The following CADM2 variants were observed in gnomAD, a reference collection of about 807,000 sequenced individuals.
CADM2 encodes the protein cell adhesion molecule 2.
CADM2 carries 12 observed loss-of-function variants against 49.8 expected under a neutral mutation model. The ratio of observed to expected loss-of-function variants is 0.24; its 90% CI spans 0.15 to 0.39. The LOEUF (loss-of-function observed/expected upper bound fraction) is 0.39. CADM2 is among the 10% of genes least tolerant of loss of function. The probability of loss-of-function intolerance (pLI) is 1.00; values close to 1 mark genes in which losing one functional copy is unlikely to be tolerated. For synonymous variants in CADM2, 214 were observed against 175.4 expected, an observed-to-expected ratio of 1.22 and a Z score of -1.74; for missense variants, 378 against 492.3, an observed-to-expected ratio of 0.77 and a Z score of 2.20.
At chr3:85,642,971 G>A (rs1168472967) in intron 1 of CADM2, among the ~76,000 whole-genome samples, 2 of 152,090 alleles carry the variant, frequency 1.3e-5, no homozygotes, top group East Asian at 1.9e-4. Flanking sequence ...TTAAATGACT[G>A]TGACATTATT....
Position 85,991,534 on chromosome 3 carries a change from C to T in CADM2, c.970+29887C>T, listed in dbSNP as rs575079041. ...ATCTACCTTGCCAAATATTAACACA[C>T]CCATTGCAATAATAAGTTAAGGTAA... is the stretch of plus-strand genomic sequence containing the variant. On this transcript the variant is annotated intron_variant, in intron 8 of 9. Transcript: ENST00000383699. Among the ~76,000 whole-genome samples the T allele has an allele frequency of 2.6e-5, 4 of 152,170 alleles. No homozygotes were observed. The South Asian group carries it at 8.3e-4, about 32-fold the overall frequency.
At chr3:85,370,327 C>T (rs1265486369) in intron 1 of CADM2, among the ~76,000 whole-genome samples, 1 of 151,388 alleles carries the variant, frequency 6.6e-6, no homozygotes, top group Non-Finnish European at 1.5e-5. Flanking sequence ...AAGGCTGAGG[C>T]AGGAGAATTG....
At chr3:85,432,162 G>A (rs1424771828) in intron 1 of CADM2, among the ~76,000 whole-genome samples, 1 of 151,800 alleles carries the variant, frequency 6.6e-6, no homozygotes, top group African/African-American at 2.4e-5. Context: ...AAAGGAGTGA[G>A]AGATCTAGAA....
chr3:85,937,300 C>A (rs377619462), intron 7 of CADM2, among the ~76,000 whole-genome samples: 1 of 151,840 alleles, frequency 6.6e-6, no homozygotes, highest in East Asian at 1.9e-4. Context: ...ACAATAATTT[C>A]TTATTTATTT....
chr3:85,642,696 T>A (rs2107556859), intron 1 of CADM2, among the ~76,000 whole-genome samples: 1 of 152,296 alleles, frequency 6.6e-6, no homozygotes, highest in South Asian at 2.1e-4. Flanking sequence ...GGAAATGCTA[T>A]TAATGAGGCA....
intron 2 of CADM2, among the ~76,000 whole-genome samples, chr3:85,769,342 T>G (rs867886853): frequency 1.8e-5 from 2 of 108,554 alleles, no homozygotes; most frequent in Admixed American, 2.3e-4. Flanking sequence ...TACACGTATA[T>G]ACATATATAC....
At chr3:86,043,683 CT>C (rs1425694769) in intron 8 of CADM2, among the ~76,000 whole-genome samples, 1 of 152,192 alleles carries the variant, frequency 6.6e-6, no homozygotes, top group Non-Finnish European at 1.5e-5. Context: ...CTACCAATGA[CT>C]TTCTTCACAG....
At chr3:85,439,926 A>G (rs1487252790) in intron 1 of CADM2, among the ~76,000 whole-genome samples, 2 of 152,192 alleles carry the variant, frequency 1.3e-5, no homozygotes, top group Non-Finnish European at 2.9e-5. Context: ...TTTAATGTAA[A>G]ACATTTTATA....
intron 1 of CADM2, among the ~76,000 whole-genome samples, chr3:85,359,967 A>T (rs1057416719): frequency 2.4e-4 from 37 of 151,576 alleles, no homozygotes; most frequent in Admixed American, 1.3e-4. Flanking sequence ...ATTCAAAATC[A>T]TTTTTTCCAC....
At chr3:85,393,187 A>C (rs1029033655) in intron 1 of CADM2, among the ~76,000 whole-genome samples, 1 of 152,156 alleles carries the variant, frequency 6.6e-6, no homozygotes, top group Non-Finnish European at 1.5e-5. Flanking sequence ...AATAAAAATC[A>C]GTGATTTACT....
At chr3:85,969,124 A>G (rs545527811) in intron 8 of CADM2, among the ~76,000 whole-genome samples, 11 of 151,408 alleles carry the variant, frequency 7.3e-5, no homozygotes, top group African/African-American at 1.5e-4. Flanking sequence ...TCTCTTTCTC[A>G]CATAGCTTCA....
chr3:85,452,834 G>A (rs538816737), intron 1 of CADM2, among the ~76,000 whole-genome samples: 2 of 152,188 alleles, frequency 1.3e-5, no homozygotes, highest in East Asian at 3.9e-4. Flanking sequence ...CCAACAAGTT[G>A]CCTAAAAACT....
At chr3:85,617,573 G>C (rs1008298813) in intron 1 of CADM2, among the ~76,000 whole-genome samples, 3 of 152,102 alleles carry the variant, frequency 2.0e-5, no homozygotes, top group African/African-American at 7.2e-5. Context: ...ATGTAGACAT[G>C]ATTGATTAAA....
chr3:85,613,534 G>A (rs185680667), intron 1 of CADM2, among the ~76,000 whole-genome samples: 4 of 151,772 alleles, frequency 2.6e-5, no homozygotes, highest in Admixed American at 2.0e-4. Flanking sequence ...GTCTTTGAGT[G>A]ATGGGCAAAC....
At chr3:85,719,490 T>G (rs942855883) in intron 1 of CADM2, among the ~76,000 whole-genome samples, 1 of 152,210 alleles carries the variant, frequency 6.6e-6, no homozygotes, top group Non-Finnish European at 1.5e-5. Flanking sequence ...TCACACATAT[T>G]TTGTATATGT....
chr3:85,027,116 T>TTTTTTTTTA (rs1165332945), intron 1 of CADM2, among the ~76,000 whole-genome samples: 2 of 123,478 alleles, frequency 1.6e-5, no homozygotes, highest in Non-Finnish European at 3.3e-5. Context: ...TTCCTTTTTT[T>TTTTTTTTTA]TTTTTTTTTT....
chr3:85,614,129 A>G (rs1455217291), intron 1 of CADM2, among the ~76,000 whole-genome samples: 1 of 151,620 alleles, frequency 6.6e-6, no homozygotes, highest in Non-Finnish European at 1.5e-5. Flanking sequence ...AGATTAGTAA[A>G]TCCAAGTGTA....
chr3:85,774,848 G>T (rs931472989), intron 2 of CADM2, among the ~76,000 whole-genome samples: 1 of 151,504 alleles, frequency 6.6e-6, no homozygotes, highest in Non-Finnish European at 1.5e-5. Context: ...TGGTAGAGTT[G>T]AATTATATTT....
At chr3:85,585,147 C>G (rs2062902762) in intron 1 of CADM2, among the ~76,000 whole-genome samples, 1 of 152,078 alleles carries the variant, frequency 6.6e-6, no homozygotes, top group African/African-American at 2.4e-5. Context: ...TGAATCATCC[C>G]TTGGTCCAGC....
Sources: gnomAD v4.1 joint callset for allele counts (sites outside exome capture counted in the v4.1 genomes callset) on GRCh38, gnomAD v4.1.1 for gene constraint, MANE v1.5 for transcripts, NCBI Gene and HGNC (gene_info 2026-07-23, HGNC 2026-07-21) for gene names.